Variants in COL15A1 observed in about 807,000 individuals in gnomAD.
COL15A1 encodes collagen type XV alpha 1 chain.
In COL15A1, 111 loss-of-function variants were observed where a neutral mutation model predicts 165.9. The ratio of observed to expected loss-of-function variants is 0.67; its 90% confidence interval spans 0.57 to 0.78. The LOEUF is 0.78. COL15A1 is among the 30% of genes least tolerant of loss of function. COL15A1 has a pLI of 0.00. For synonymous variants in COL15A1, 659 were observed against 674.8 expected (o/e 0.98, Z 0.36); for missense variants, 1,745 against 1,789.7 (o/e 0.98, Z 0.45).
chr9:99,048,309 G>A (rs550945501), intron 28 of COL15A1, among the ~76,000 whole-genome samples: 64 of 152,212 alleles, frequency 4.2e-4, no homozygotes, highest in African/African-American at 1.5e-3. Flanking sequence ...CTAGGGTAAT[G>A]TCACCTCTCC....
rs181984295 is a variant in COL15A1, at chr9:99,001,016, G to A, written c.1065+65G>A. 1.5e-3 allele frequency: 1,203 copies of A among 808,476 alleles called. 10 individuals are homozygous for A. The highest frequency in any genetic ancestry group is 1.4e-4 in the Non-Finnish European group (66 of 457,242). 50.1% of individuals were successfully genotyped at this position (808,476 alleles called of 1,614,324 possible). On this transcript the variant is annotated intron_variant, in intron 7 of 41. Coordinates refer to ENST00000375001, the MANE Select transcript of COL15A1 (RefSeq NM_001855.5). ...GGCTTGTTTGCTTATTTCAAACTTGGTGATGATTTTACTGAGCACCAGAGA... is the reference window on the plus strand; with the variant it reads ...GGCTTGTTTGCTTATTTCAAACTTGATGATGATTTTACTGAGCACCAGAGA...
At chr9:99,017,500 G>T (rs1187458384) in intron 11 of COL15A1, among the ~76,000 whole-genome samples, 2 of 152,010 alleles carry the variant, frequency 1.3e-5, no homozygotes, top group African/African-American at 4.8e-5. Flanking sequence ...ATCTATAAAA[G>T]GAAAAAAGGT....
chr9:99,020,902 T>G (rs1839016056), intron 12 of COL15A1, among the ~76,000 whole-genome samples: 1 of 152,250 alleles, frequency 6.6e-6, no homozygotes, highest in Admixed American at 6.5e-5. Context: ...ACTATTTCTT[T>G]GCTCCAGTTT....
chr9:98,961,654 G>C (rs574790080), intron 2 of COL15A1, among the ~76,000 whole-genome samples: 1 of 152,236 alleles, frequency 6.6e-6, no homozygotes, highest in South Asian at 2.1e-4. Flanking sequence ...CCTGGCCCTG[G>C]GGGAGCATCT....
At chr9:99,051,166 C>T (rs944770841) in intron 30 of COL15A1, among the ~76,000 whole-genome samples, 5 of 152,190 alleles carry the variant, frequency 3.3e-5, no homozygotes, top group African/African-American at 9.7e-5. Context: ...TGAGTCAGTA[C>T]AGCAGCCTCT....
intron 23 of COL15A1, 171 bp downstream of exon 23, chr9:99,040,727 C>T: frequency 8.9e-6 from 11 of 1,237,930 alleles, no homozygotes; most frequent in Non-Finnish European, 1.2e-5. Context: ...CCATGTTGCC[C>T]AGGCTGGTCT....
At chr9:98,953,092 TA>T (rs1482350356) in intron 2 of COL15A1, among the ~76,000 whole-genome samples, 1 of 152,194 alleles carries the variant, frequency 6.6e-6, no homozygotes, top group Non-Finnish European at 1.5e-5. Flanking sequence ...GTGAGGGTTG[TA>T]AAAAGGAGGC....
intron 9 of COL15A1, among the ~76,000 whole-genome samples, chr9:99,006,894 CTCAG>C (rs1564050186): frequency 6.6e-6 from 1 of 152,222 alleles, no homozygotes; most frequent in Non-Finnish European, 1.5e-5. Context: ...TGAAACAAGT[CTCAG>C]TCAATTTTGG....
intron 24 of COL15A1, among the ~76,000 whole-genome samples, chr9:99,042,765 A>G (rs975804756): frequency 6.6e-6 from 1 of 152,264 alleles, no homozygotes; most frequent in Non-Finnish European, 1.5e-5. Context: ...ACACTTCCTG[A>G]GAACTCCCAG....
chr9:99,048,669 T>A (rs1301023155), intron 28 of COL15A1, among the ~76,000 whole-genome samples: 2 of 151,550 alleles, frequency 1.3e-5, no homozygotes, highest in Admixed American at 1.3e-4. Flanking sequence ...ATTAGGTATA[T>A]CTTCTAATGC....
chr9:99,056,774 T>G (rs1825726971), intron 35 of COL15A1, among the ~76,000 whole-genome samples: 2 of 152,232 alleles, frequency 1.3e-5, no homozygotes. Flanking sequence ...GATTTGCCTA[T>G]TCTGGACATT....
At chr9:98,974,174 C>G (rs1196823738) in intron 2 of COL15A1, among the ~76,000 whole-genome samples, 2 of 152,144 alleles carry the variant, frequency 1.3e-5, no homozygotes, top group Non-Finnish European at 2.9e-5. Context: ...GAAAGGACTT[C>G]CGAAGACTTC....
chr9:98,961,393 C>T (rs182632157), intron 2 of COL15A1, among the ~76,000 whole-genome samples: 58 of 152,192 alleles, frequency 3.8e-4, no homozygotes, highest in African/African-American at 1.3e-3. Context: ...CTCATCTGTA[C>T]CAGGGTGTCA....
chr9:99,008,206 C>T (rs972595173), intron 9 of COL15A1, among the ~76,000 whole-genome samples: 9 of 151,562 alleles, frequency 5.9e-5, no homozygotes, highest in Admixed American at 1.3e-4. Context: ...CCCATGCCTG[C>T]AAATACCTGT....
chr9:98,946,704 C>T (rs925838077), intron 2 of COL15A1, among the ~76,000 whole-genome samples: 1 of 152,224 alleles, frequency 6.6e-6, no homozygotes, highest in Admixed American at 6.5e-5. Flanking sequence ...CTTCATAGCA[C>T]TATGAACCAG....
intron 35 of COL15A1, among the ~76,000 whole-genome samples, chr9:99,058,771 A>C (rs1211072682): frequency 6.6e-6 from 1 of 152,172 alleles, no homozygotes; most frequent in Non-Finnish European, 1.5e-5. Context: ...CACAAATTCT[A>C]TTAGGAGGCA....
intron 31 of COL15A1, 42 bp downstream of exon 31, chr9:99,052,475 T>C (rs775532280): frequency 6.7e-6 from 10 of 1,496,620 alleles, no homozygotes; most frequent in Non-Finnish European, 9.3e-6. Context: ...CTGGGACATC[T>C]CCTTGAGGAA....
intron 2 of COL15A1, among the ~76,000 whole-genome samples, chr9:98,960,504 C>T (rs1837848772): frequency 6.6e-6 from 1 of 152,216 alleles, no homozygotes; most frequent in Non-Finnish European, 1.5e-5. Context: ...TCTAGACCCA[C>T]GGCATCAGAT....
chr9:98,996,895 C>G (rs896479446), intron 5 of COL15A1, 39 bp from the exon 6 acceptor site: 7 of 1,606,758 alleles, frequency 4.4e-6, no homozygotes, highest in Non-Finnish European at 6.0e-6. Flanking sequence ...GCTTTACTGC[C>G]AAGTAAATCA....
Sources: gnomAD v4.1 joint callset for allele counts (sites outside exome capture counted in the v4.1 genomes callset) on GRCh38, gnomAD v4.1.1 for gene constraint, MANE v1.5 for transcripts, NCBI Gene and HGNC (gene_info 2026-07-23, HGNC 2026-07-21) for gene names.